Variants in SGCE observed in about 807,000 individuals in gnomAD.
SGCE encodes sarcoglycan epsilon.
SGCE carries 26 observed loss-of-function variants against 57.8 expected under a neutral mutation model. The observed-to-expected ratio is 0.45, with a 90% confidence interval of 0.33 to 0.62. The LOEUF (loss-of-function observed/expected upper bound fraction) is 0.62, where lower values mean the gene tolerates loss of function less well. Ranked by LOEUF, SGCE falls within the 20% of genes least tolerant of loss-of-function variation. The pLI is 0.02. For synonymous variants in SGCE, 183 were observed against 189.5 expected, an observed-to-expected ratio of 0.97 and a Z score of 0.28; for missense variants, 468 against 548.6, an observed-to-expected ratio of 0.85 and a Z score of 1.47.
At position 94,639,042 on chromosome 7, in the gene SGCE, A is replaced by G. The variant is rs569634717; in HGVS notation, c.110-9201T>C. Among the ~76,000 whole-genome samples, 9 of 152,332 alleles carry G rather than the reference A, an allele frequency of 5.9e-5. No homozygotes were observed. The South Asian group carries it at 1.4e-3, about 25-fold the overall frequency. On this transcript the variant is annotated intron_variant, in intron 1 of 10. Transcript: ENST00000648936. ...TAGTAACCACAGTAGGACAATTTTTATAAGTGGCAAGCTAGTGACTGGATA... is the reference window on the plus strand; with the variant it reads ...TAGTAACCACAGTAGGACAATTTTTGTAAGTGGCAAGCTAGTGACTGGATA...
At chr7:94,590,969 C>G (rs1259044334) in intron 9 of SGCE, 6 of 151,976 alleles carry the variant, frequency 3.9e-5, no homozygotes, top group Non-Finnish European at 2.9e-5. Context: ...TTCAGTTCCA[C>G]TTTAAAGATA....
intron 1 of SGCE, among the ~76,000 whole-genome samples, chr7:94,651,695 A>G (rs188884400): frequency 1.5e-3 from 228 of 152,370 alleles, no homozygotes; most frequent in Non-Finnish European, 2.4e-3. Context: ...TGGTTGTTCC[A>G]GAGTCAGTCT....
chr7:94,591,946 C>T (rs998047298), intron 9 of SGCE, among the ~76,000 whole-genome samples: 6 of 152,172 alleles, frequency 3.9e-5, no homozygotes, highest in Non-Finnish European at 5.9e-5. Flanking sequence ...AATGCTCATG[C>T]ACTCCTTGCA....
At chr7:94,646,878 C>T (rs1335691806) in intron 1 of SGCE, among the ~76,000 whole-genome samples, 85 of 152,148 alleles carry the variant, frequency 5.6e-4, no homozygotes, top group Admixed American at 5.5e-3. Context: ...TTGTACTATA[C>T]TTTCCAATAG....
chr7:94,643,953 C>T (rs148286170), intron 1 of SGCE, among the ~76,000 whole-genome samples: 2 of 152,222 alleles, frequency 1.3e-5, no homozygotes, highest in African/African-American at 4.8e-5. Flanking sequence ...ATATGTCAAC[C>T]TTGTAGAGAC....
chr7:94,603,310 C>A lies in SGCE; in HGVS notation c.805G>T (p.Asp269Tyr). 2 of 1,612,394 alleles carry A rather than the reference C, an allele frequency of 1.2e-6. No individual in the cohort carries two copies. The highest frequency in any genetic ancestry group is 2.2e-5 in the South Asian group (2 of 90,876). The change falls in exon 6 of 11, where the codon GAC becomes TAC. Residue 269 changes from aspartate (D) to tyrosine (Y), a missense_variant. By Grantham distance (160) the Asp-to-Tyr change is radical. Transcript: ENST00000648936. ...DKKFRTQFYI[D>Y]WCKISLVDKT... is the part of the protein sequence containing the mutation. The stretch of plus-strand genomic sequence containing the variant: ...CTTACCAATGAAATTTTGCACCAGT[C>A]AATGTAAAATTGAGTACGAAATTTT...
chr7:94,587,728 T>C lies in SGCE; in HGVS notation c.1297+961A>G, dbSNP rs1400579396. 2.0e-6 allele frequency: 3 copies of C among 1,535,170 alleles called. No individual in the cohort carries two copies. The East Asian group carries it at 7.4e-5, about 38-fold the overall frequency. On this transcript the variant is annotated intron_variant, in intron 10 of 10. Transcript: ENST00000648936. ...TAATCAAAATTGTAGGGAAAAATTC[T>C]GATAAACATCTTGTAATTGAAATCT...
Position 94,600,794 on chromosome 7 carries a change from C to G in SGCE, c.889G>C (p.Asp297His). ...GAAGGGGGTTTGTATTCTCCACCAT[C>G]AGGTAAAATCCCCTCTCCACGAATC... ...EVIRGEGILPDGGEYKPPSDS... is the reference protein window; with the variant it reads ...EVIRGEGILPHGGEYKPPSDS... The change falls in exon 7 of 11, where the codon GAT becomes CAT. Residue 297 changes from aspartate to histidine, a missense_variant. Transcript: ENST00000648936. 5 of 1,613,388 alleles carry G rather than the reference C, an allele frequency of 3.1e-6. No individual in the cohort carries two copies. The highest frequency in any genetic ancestry group is 4.2e-6 in the Non-Finnish European group (5 of 1,179,774).
chr7:94,625,545 G>A (rs969127373), intron 3 of SGCE: 5 of 151,922 alleles, frequency 3.3e-5, no homozygotes, highest in African/African-American at 1.2e-4. Flanking sequence ...GGTGTTTAAC[G>A]ATCCATTCAT....
intron 1 of SGCE, among the ~76,000 whole-genome samples, chr7:94,653,833 A>G (rs895752703): frequency 6.6e-6 from 1 of 151,950 alleles, no homozygotes; most frequent in Non-Finnish European, 1.5e-5. Flanking sequence ...CTGGTTTTAA[A>G]TATTTATGTA....
At chr7:94,596,726 T>C (rs1798454628) in intron 9 of SGCE, among the ~76,000 whole-genome samples, 1 of 152,202 alleles carries the variant, frequency 6.6e-6, no homozygotes, top group African/African-American at 2.4e-5. Flanking sequence ...ATACTAAGTA[T>C]ACTGAATTCA....
chr7:94,644,548 C>G (rs752748260), intron 1 of SGCE: 44 of 687,022 alleles, frequency 6.4e-5, no homozygotes, highest in Admixed American at 3.6e-4. Flanking sequence ...TCAGACATCA[C>G]TGTCCAAGTA....
intron 5 of SGCE, among the ~76,000 whole-genome samples, chr7:94,615,526 T>C (rs1220299195): frequency 6.6e-6 from 1 of 152,106 alleles, no homozygotes; most frequent in East Asian, 1.9e-4. Flanking sequence ...TGGGCAGCCA[T>C]TGACTTCCAT....
At chr7:94,616,724 A>G (rs1801982424) in intron 5 of SGCE, 5 of 152,198 alleles carry the variant, frequency 3.3e-5, no homozygotes, top group Admixed American at 3.3e-4. Context: ...ACTAAAGAAA[A>G]CATGCAAAAT....
intron 9 of SGCE, among the ~76,000 whole-genome samples, chr7:94,596,132 T>C (rs1314564461): frequency 1.3e-5 from 2 of 152,132 alleles, no homozygotes; most frequent in African/African-American, 2.4e-5. Context: ...GCCTATTGCA[T>C]TTGCAAATAG....
intron 5 of SGCE, among the ~76,000 whole-genome samples, chr7:94,607,321 A>C (rs1034792806): frequency 6.6e-6 from 1 of 152,170 alleles, no homozygotes; most frequent in Non-Finnish European, 1.5e-5. Flanking sequence ...TTACCTTAAT[A>C]CCAAAACCAG....
At position 94,628,137 on chromosome 7, in the gene SGCE, TACACAC is replaced by T. The variant is rs138881114; in HGVS notation, c.390+59_390+64del. The T allele has an allele frequency of 4.2e-4, 417 of 991,938 alleles. 2 individuals are homozygous for T. The African/African-American group carries it at 5.3e-3, about 13-fold the overall frequency. The allele number at this position is 991,938 out of a possible 1,614,324, so 61.4% of individuals were successfully genotyped here. On this transcript the variant is annotated intron_variant, in intron 3 of 10. Transcript: ENST00000648936. ...TCAACACTTAAAACTCAAATTACAA[TACACAC>T]ACACACACACACACACACACATATA...
At chr7:94,644,889 GT>G (rs1806855378) in intron 1 of SGCE, among the ~76,000 whole-genome samples, 8 of 152,110 alleles carry the variant, frequency 5.3e-5, no homozygotes, top group Admixed American at 2.0e-4. Context: ...AAAAATGTAA[GT>G]TGGCCATTAC....
At chr7:94,650,234 T>A (rs1453141301) in intron 1 of SGCE, among the ~76,000 whole-genome samples, 2 of 152,178 alleles carry the variant, frequency 1.3e-5, no homozygotes, top group Non-Finnish European at 2.9e-5. Context: ...TGTAGGGAGA[T>A]ACATCACAAG....
Sources: gnomAD v4.1 joint callset for allele counts (sites outside exome capture counted in the v4.1 genomes callset) on GRCh38, gnomAD v4.1.1 for gene constraint, MANE v1.5 for transcripts, NCBI Gene and HGNC (gene_info 2026-07-23, HGNC 2026-07-21) for gene names.